ROBO1: variants seen among roughly 807,000 people sequenced by gnomAD.
The protein encoded by ROBO1 is roundabout homolog 1.
In ROBO1, 149 loss-of-function variants were observed where a neutral mutation model predicts 195.9. The observed-to-expected ratio is 0.76, with a 90% CI of 0.67 to 0.87. ROBO1 has a LOEUF of 0.87. Ranked by LOEUF, ROBO1 falls within the 40% of genes least tolerant of loss-of-function variation. ROBO1 has a pLI of 0.00. For missense variants in ROBO1, 1,933 were observed against 2,068.3 expected, an observed-to-expected ratio of 0.93 and a Z score of 1.27; for synonymous variants, 816 against 733.2, an observed-to-expected ratio of 1.11 and a Z score of -1.82.
rs188599361 is a variant in ROBO1 at position 78,917,480 on chromosome 3, G to A, written c.499+21121C>T. On this transcript the variant is annotated intron_variant, in intron 4 of 30. Transcript: ENST00000464233. Reference sequence around the variant, plus strand: ...AATTAAGCTAAATTATACAAATTTAGGCTATTTTGACTGTGAGGCCATCTT... The same window carrying A: ...AATTAAGCTAAATTATACAAATTTAAGCTATTTTGACTGTGAGGCCATCTT... Among the ~76,000 whole-genome samples, 75 of 152,092 alleles carry A rather than the reference G, an allele frequency of 4.9e-4. 2 individuals are homozygous for A. Among genetic ancestry groups the A allele is most frequent in the Admixed American group, 2.4e-3 (36 of 15,268 alleles).
chr3:78,888,376 G>A (rs141698814), intron 4 of ROBO1, among the ~76,000 whole-genome samples: 21 of 152,254 alleles, frequency 1.4e-4, no homozygotes, highest in Middle Eastern at 3.4e-3. Context: ...GGCTGATCAC[G>A]GGAAGGTGGA....
At chr3:79,349,587 TA>T (rs1426358087) in intron 2 of ROBO1, among the ~76,000 whole-genome samples, 9 of 152,156 alleles carry the variant, frequency 5.9e-5, no homozygotes. Context: ...AAAGCAACAG[TA>T]ATCAAGACAG....
chr3:79,285,164 T>G (rs1010978339), intron 2 of ROBO1, among the ~76,000 whole-genome samples: 1 of 152,290 alleles, frequency 6.6e-6, no homozygotes, highest in African/African-American at 2.4e-5. Context: ...TTCAAGAGTT[T>G]ATATATGGCT....
At chr3:79,090,021 C>G (rs1333727956) in intron 3 of ROBO1, among the ~76,000 whole-genome samples, 2 of 151,596 alleles carry the variant, frequency 1.3e-5, no homozygotes, top group African/African-American at 4.9e-5. Context: ...CTCACTGCAA[C>G]CTCCATCTCC....
intron 3 of ROBO1, among the ~76,000 whole-genome samples, chr3:79,122,293 C>T (rs1468914752): frequency 1.3e-5 from 2 of 151,982 alleles, no homozygotes; most frequent in Non-Finnish European, 2.9e-5. Context: ...GTAAATAATG[C>T]CCAAGTCCAC....
chr3:79,289,194 A>T (rs2032085807), intron 2 of ROBO1, among the ~76,000 whole-genome samples: 1 of 152,188 alleles, frequency 6.6e-6, no homozygotes, highest in East Asian at 1.9e-4. Flanking sequence ...TTAAAATAAT[A>T]AAAACATTAA....
In ROBO1 at chr3:78,810,526, G is replaced by A. The variant is rs1270391695; in HGVS notation, c.500-63626C>T. Among the ~76,000 whole-genome samples, 5 of 152,050 alleles carry A rather than the reference G, an allele frequency of 3.3e-5. No individual in the cohort carries two copies. In the East Asian group the frequency reaches 9.7e-4, roughly 29 times the overall value. On this transcript the variant is annotated intron_variant, in intron 4 of 30. Coordinates refer to ENST00000464233, the MANE Select transcript of ROBO1 (RefSeq NM_002941.4). ...AAGCAAAAAATGAAGTATATTATTGGTAGGTAAACATATATTGAGTAACAC... is the reference window on the plus strand; with the variant it reads ...AAGCAAAAAATGAAGTATATTATTGATAGGTAAACATATATTGAGTAACAC...
chr3:79,343,377 G>T (rs755550454), intron 2 of ROBO1, among the ~76,000 whole-genome samples: 1 of 152,098 alleles, frequency 6.6e-6, no homozygotes, highest in Non-Finnish European at 1.5e-5. Context: ...GGATCACATG[G>T]TAAGAGTATG....
At chr3:78,703,643 C>G (rs898051732) in intron 8 of ROBO1, among the ~76,000 whole-genome samples, 2 of 151,994 alleles carry the variant, frequency 1.3e-5, no homozygotes, top group African/African-American at 4.8e-5. Context: ...ACACACAAAC[C>G]TCCACAACAA....
chr3:79,330,710 T>C (rs957395203), intron 2 of ROBO1, among the ~76,000 whole-genome samples: 34 of 149,566 alleles, frequency 2.3e-4, no homozygotes, highest in African/African-American at 7.8e-4. Flanking sequence ...CAACCCCTGC[T>C]GTAGACCAAT....
At chr3:79,141,562 T>C (rs899299486) in intron 2 of ROBO1, among the ~76,000 whole-genome samples, 3 of 48,664 alleles carry the variant, frequency 6.2e-5, no homozygotes, top group African/African-American at 1.8e-4. Flanking sequence ...GTGGTTGCTG[T>C]TGTTGTTTTT....
intron 1 of ROBO1, among the ~76,000 whole-genome samples, chr3:79,739,454 C>G (rs1703531689): frequency 6.6e-6 from 1 of 152,132 alleles, no homozygotes; most frequent in Non-Finnish European, 1.5e-5. Flanking sequence ...TTTGGTTTAA[C>G]TCCTTAAGGG....
rs773607622 is a variant in ROBO1, at chr3:79,589,912, C to T, written c.-1G>A. ...AAAAAGGAACATGTTTCCATTTCATCTTTGTCCCTTCCTTGCATTACAACC... is the reference window on the plus strand; with the variant it reads ...AAAAAGGAACATGTTTCCATTTCATTTTTGTCCCTTCCTTGCATTACAACC... On this transcript the variant is annotated 5_prime_UTR_variant, in exon 2 of 31. Transcript: ENST00000464233. 1.2e-6 allele frequency: 2 copies of T among 1,608,300 alleles called. No homozygotes were observed. The highest frequency in any genetic ancestry group is 2.2e-5 in the East Asian group (1 of 44,742).
At chr3:78,675,214 AG>A (rs1708332761) in intron 10 of ROBO1, among the ~76,000 whole-genome samples, 1 of 151,484 alleles carries the variant, frequency 6.6e-6, no homozygotes, top group South Asian at 2.1e-4. Flanking sequence ...GAACAGCTCC[AG>A]TCTACAGCTC....
chr3:78,818,889 A>T (rs115606680), intron 4 of ROBO1, among the ~76,000 whole-genome samples: 2 of 152,306 alleles, frequency 1.3e-5, no homozygotes, highest in African/African-American at 4.8e-5. Flanking sequence ...CTACATTTGC[A>T]TAAATTTTAT....
chr3:79,241,025 A>G (rs1411794755), intron 2 of ROBO1, among the ~76,000 whole-genome samples: 1 of 152,180 alleles, frequency 6.6e-6, no homozygotes, highest in Non-Finnish European at 1.5e-5. Flanking sequence ...TGTTCTTCTG[A>G]CAAATGAAAG....
At chr3:79,631,487 G>GACATAT (rs1945338187) in intron 1 of ROBO1, among the ~76,000 whole-genome samples, 1 of 151,854 alleles carries the variant, frequency 6.6e-6, no homozygotes, top group Admixed American at 6.6e-5. Context: ...AAAATAACTT[G>GACATAT]AGATGGATTA....
intron 5 of ROBO1, among the ~76,000 whole-genome samples, chr3:78,729,537 G>A (rs1157756159): frequency 6.6e-6 from 1 of 152,146 alleles, no homozygotes; most frequent in Non-Finnish European, 1.5e-5. Flanking sequence ...GAGGTACGTA[G>A]CCTAAAGCAA....
intron 1 of ROBO1, among the ~76,000 whole-genome samples, chr3:79,631,903 A>G (rs1320510720): frequency 2.0e-5 from 3 of 152,152 alleles, no homozygotes; most frequent in Admixed American, 6.6e-5. Flanking sequence ...TATAAGAGAA[A>G]TGCAAGTTAA....
Sources: allele counts gnomAD v4.1 joint callset (sites outside exome capture counted in the v4.1 genomes callset), GRCh38; gene constraint gnomAD v4.1.1; transcripts MANE v1.5; gene names NCBI Gene and HGNC (gene_info 2026-07-23, HGNC 2026-07-21).